Variants in HYDIN observed in about 807,000 individuals in gnomAD.
The protein encoded by HYDIN is HYDIN axonemal central pair apparatus protein.
HYDIN carries 132 observed loss-of-function variants against 403.9 expected under a neutral mutation model. The observed-to-expected ratio is 0.33, with a 90% CI of 0.28 to 0.38. HYDIN has a LOEUF of 0.38. HYDIN is among the 10% of genes least tolerant of loss of function. The probability of loss-of-function intolerance (pLI) is 1.00; values close to 1 mark genes in which losing one functional copy is unlikely to be tolerated. For synonymous variants in HYDIN, 1,202 were observed against 1,891.7 expected (o/e 0.64, Z 9.46); for missense variants, 2,827 against 5,009.5 (o/e 0.56, Z 13.15).
At chr16:70,995,660 A>T (rs1469389127) in intron 23 of HYDIN, among the ~76,000 whole-genome samples, 1 of 152,094 alleles carries the variant, frequency 6.6e-6, no homozygotes, top group Admixed American at 6.5e-5. Context: ...AGCTTCCATG[A>T]TCTTTGCAGA....
chr16:71,190,510 T>C (rs541226796), intron 1 of HYDIN, among the ~76,000 whole-genome samples: 1 of 152,238 alleles, frequency 6.6e-6, no homozygotes, highest in Non-Finnish European at 1.5e-5. Flanking sequence ...TTAGTATAAA[T>C]TGCATTGTTG....
chr16:71,116,230 C>CTTTTTTTT (rs3051996), intron 9 of HYDIN, among the ~76,000 whole-genome samples: 16 of 97,798 alleles, frequency 1.6e-4, no homozygotes, highest in East Asian at 7.2e-4. Context: ...TGAGTTAGAC[C>CTTTTTTTT]TTTTTTTTTT....
chr16:70,886,223 G>T (rs935224219), intron 58 of HYDIN, among the ~76,000 whole-genome samples: 1 of 151,892 alleles, frequency 6.6e-6, no homozygotes, highest in African/African-American at 2.4e-5. Flanking sequence ...TTTTTCTAGA[G>T]TCTATCCATG....
chr16:71,115,452 A>G (rs1345611467), intron 10 of HYDIN, among the ~76,000 whole-genome samples: 3 of 152,234 alleles, frequency 2.0e-5, no homozygotes, highest in African/African-American at 7.2e-5. Context: ...ATGGACTAAT[A>G]CAGTTTCCAT....
chr16:70,895,460 C>A (rs2076174153), intron 54 of HYDIN, among the ~76,000 whole-genome samples: 1 of 151,826 alleles, frequency 6.6e-6, no homozygotes, highest in Non-Finnish European at 1.5e-5. Context: ...GTTGGCCCAA[C>A]CTTGCTGTCT....
intron 11 of HYDIN, 110 bp downstream of exon 11, chr16:71,093,707 C>T (rs540054648): frequency 3.2e-5 from 40 of 1,268,432 alleles, no homozygotes; most frequent in South Asian, 1.1e-4. Context: ...TGAGTAACGG[C>T]GAATAAATGT....
intron 5 of HYDIN, among the ~76,000 whole-genome samples, chr16:71,171,491 G>C (rs2086461639): frequency 2.6e-5 from 4 of 152,224 alleles, no homozygotes; most frequent in South Asian, 4.1e-4. Context: ...CAGAAAACTG[G>C]GCCTGGCACT....
intron 7 of HYDIN, among the ~76,000 whole-genome samples, chr16:71,150,226 C>T (rs1447184273): frequency 6.6e-6 from 1 of 151,386 alleles, no homozygotes; most frequent in Non-Finnish European, 1.5e-5. Flanking sequence ...GAGGGGAGAG[C>T]AGTCAGATTT....
At chr16:71,226,797 C>T (rs914823791) in intron 1 of HYDIN, among the ~76,000 whole-genome samples, 2 of 152,138 alleles carry the variant, frequency 1.3e-5, no homozygotes, top group African/African-American at 2.4e-5. Context: ...ACCAGATCAC[C>T]GCATCCAGAC....
intron 1 of HYDIN, among the ~76,000 whole-genome samples, chr16:71,212,177 T>C (rs1267783257): frequency 1.3e-5 from 2 of 152,182 alleles, no homozygotes; most frequent in Admixed American, 1.3e-4. Context: ...TGAATATGGA[T>C]TGTAAATTAG....
intron 10 of HYDIN, among the ~76,000 whole-genome samples, chr16:71,109,359 A>C (rs1597797290): frequency 1.5e-5 from 2 of 136,388 alleles, no homozygotes; most frequent in East Asian, 4.1e-4. Flanking sequence ...CATTATGTAA[A>C]GTATACTGTC....
intron 23 of HYDIN, among the ~76,000 whole-genome samples, chr16:71,003,569 G>T (rs2079792547): frequency 6.6e-6 from 1 of 152,038 alleles, no homozygotes; most frequent in African/African-American, 2.4e-5. Context: ...GGAGGCTGAG[G>T]TGGGTGGATC....
chr16:71,134,620 G>A lies in HYDIN; in HGVS notation c.1043+2531C>T, dbSNP rs527594818. Among the ~76,000 whole-genome samples, 7 of 152,158 alleles carry A rather than the reference G, an allele frequency of 4.6e-5. No individual in the cohort carries two copies. In the South Asian group the frequency reaches 1.5e-3, roughly 32 times the overall value. On this transcript the variant is annotated intron_variant, in intron 8 of 85. Coordinates refer to ENST00000393567, the MANE Select transcript of HYDIN (RefSeq NM_001270974.2). Reference sequence around the variant, plus strand: ...GGCCTGGGACACGATCTGAGAATTTGTGACATGGAGGAGGAGGGGCCTACA... The same window carrying A: ...GGCCTGGGACACGATCTGAGAATTTATGACATGGAGGAGGAGGGGCCTACA...
At chr16:70,899,703 A>T (rs1318552628) in intron 53 of HYDIN, among the ~76,000 whole-genome samples, 2 of 152,274 alleles carry the variant, frequency 1.3e-5, no homozygotes, top group African/African-American at 4.8e-5. Flanking sequence ...GGATAATGTT[A>T]GGAAGAGGTG....
chr16:71,000,867 T>A (rs1262549363), intron 23 of HYDIN, among the ~76,000 whole-genome samples: 1 of 152,236 alleles, frequency 6.6e-6, no homozygotes, highest in East Asian at 1.9e-4. Context: ...AGTGGTCTAC[T>A]GCTCTCAGGG....
intron 40 of HYDIN, among the ~76,000 whole-genome samples, chr16:70,954,984 T>C (rs2078187427): frequency 1.3e-5 from 2 of 152,148 alleles, no homozygotes; most frequent in Admixed American, 1.3e-4. Context: ...CCTTGAAAAC[T>C]TCCCACATCA....
chr16:70,895,869 C>G (rs2076186372), intron 54 of HYDIN, 112 bp downstream of exon 54: 5 of 1,429,340 alleles, frequency 3.5e-6, no homozygotes, highest in Non-Finnish European at 4.6e-6. Flanking sequence ...TTAAAATTGC[C>G]CCATGCCCAA....
At chr16:71,109,382 C>T (rs1386950861) in intron 10 of HYDIN, among the ~76,000 whole-genome samples, 1 of 134,878 alleles carries the variant, frequency 7.4e-6, no homozygotes. Flanking sequence ...TTACGCAAAA[C>T]GACATGAGGA....
At chr16:71,152,037 T>C (rs968586531) in intron 7 of HYDIN, among the ~76,000 whole-genome samples, 73 of 151,778 alleles carry the variant, frequency 4.8e-4, no homozygotes, top group Non-Finnish European at 1.0e-4. Flanking sequence ...TAGACAAATA[T>C]CACAATAAGT....
Sources: allele counts gnomAD v4.1 joint callset (sites outside exome capture counted in the v4.1 genomes callset), GRCh38; gene constraint gnomAD v4.1.1; transcripts MANE v1.5; gene names NCBI Gene and HGNC (gene_info 2026-07-23, HGNC 2026-07-21).